Variants in IL1A observed in about 807,000 individuals in gnomAD.
IL1A encodes interleukin-1 alpha.
IL1A carries 16 observed loss-of-function variants against 22.2 expected under a neutral mutation model. The observed-to-expected ratio is 0.72, with a 90% CI of 0.49 to 1.09. The LOEUF is 1.09. Among genes scored for constraint, IL1A ranks in the 50% least tolerant of loss-of-function variants. The probability of loss-of-function intolerance (pLI) is 0.00; values close to 1 mark genes in which losing one functional copy is unlikely to be tolerated. For missense variants in IL1A, 317 were observed against 321.8 expected (o/e 0.99, Z 0.11); for synonymous variants, 113 against 118.5 (o/e 0.95, Z 0.30).
At chr2:112,781,499 T>C (rs920947041) in intron 4 of IL1A, 105 bp downstream of exon 4, 2 of 887,232 alleles carry the variant, frequency 2.3e-6, no homozygotes, top group African/African-American at 3.3e-5. Flanking sequence ...AATGCTTGGT[T>C]GTCTTCTTGT....
rs189583529 is a variant in IL1A, at chr2:112,783,915, C to T, written c.-8-137G>A. On this transcript the variant is annotated intron_variant, in intron 1 of 6. Transcript: ENST00000263339. ...CCACATTCAGCATTTTCTCCATCTT[C>T]TAGCTCCTTTGAATTAGTTTGCTAT... 1.4e-4 allele frequency: 103 copies of T among 760,088 alleles called. No individual in the cohort carries two copies. In the East Asian group the frequency reaches 2.5e-3, roughly 18 times the overall value. 47.1% of individuals were successfully genotyped at this position (760,088 alleles called of 1,614,324 possible). A position where few individuals can be genotyped will look rare whatever the true frequency, so the allele number is the denominator to read the frequency against.
intron 3 of IL1A, among the ~76,000 whole-genome samples, chr2:112,782,165 A>T (rs556218339): frequency 6.6e-6 from 1 of 152,342 alleles, no homozygotes; most frequent in East Asian, 1.9e-4. Flanking sequence ...CAATGCTCAA[A>T]ATATTTTAGA....
At chr2:112,783,866 G>A in intron 1 of IL1A, 88 bp from the exon 2 acceptor site, 3 of 1,182,826 alleles carry the variant, frequency 2.5e-6, no homozygotes, top group Non-Finnish European at 3.8e-6. Flanking sequence ...TGTGCTTCCT[G>A]AAAACTTTGT....
chr2:112,782,092 A>G (rs1179462225), intron 3 of IL1A, among the ~76,000 whole-genome samples: 10 of 152,204 alleles, frequency 6.6e-5, no homozygotes, highest in Non-Finnish European at 1.3e-4. Context: ...TAGGTTAACA[A>G]TGATTGTAGT....
Position 112,781,714 on chromosome 2 carries a change from C to G in IL1A, c.209G>C (p.Ser70Thr). Residue 70 changes from serine to threonine, a missense_variant, in exon 4 of 7, where the codon AGC (serine) becomes ACC (threonine). By Grantham distance (58) the Ser-to-Thr change is moderately conservative. Transcript: ENST00000263339. ...SKTSKLTFKESMVVVATNGKV... is the reference protein window; with the variant it reads ...SKTSKLTFKETMVVVATNGKV... ...CCCGTTGGTTGCTACTACCACCATG[C>G]TCTCCTTGAAGGTAAGCTTGGATGT... 6.2e-7 allele frequency: 1 copy of G among 1,614,162 alleles called. No homozygotes were observed. Among genetic ancestry groups the G allele is most frequent in the Non-Finnish European group, 8.5e-7 (1 of 1,179,984 alleles).
chr2:112,781,914 G>A (rs1378384730), intron 3 of IL1A, 88 bp from the exon 4 acceptor site: 3 of 867,464 alleles, frequency 3.5e-6, no homozygotes, highest in Non-Finnish European at 5.8e-6. Context: ...AACAGAGGTA[G>A]TGAGGAGGAT....
chr2:112,777,335 G>T (rs982396759), intron 6 of IL1A, among the ~76,000 whole-genome samples: 3 of 152,216 alleles, frequency 2.0e-5, no homozygotes, highest in Admixed American at 6.5e-5. Context: ...CTTGATCCAG[G>T]TAGAAAAGCA....
Position 112,778,131 on chromosome 2 carries a change from AAAAG to A in IL1A, c.491-24_491-21del. ...ATTTCACTGGTGAAGAGAAGAACCA[AAAAG>A]AAAGTAAATTCATTGTATTTGTATA... On this transcript the variant is annotated intron_variant, in intron 5 of 6. Coordinates refer to ENST00000263339, the MANE Select transcript of IL1A (RefSeq NM_000575.5). 6.2e-7 allele frequency: 1 copy of A among 1,607,148 alleles called. No homozygotes were observed. Among genetic ancestry groups the A allele is most frequent in the Non-Finnish European group, 8.5e-7 (1 of 1,174,950 alleles).
intron 3 of IL1A, 74 bp downstream of exon 3, chr2:112,782,642 T>C (rs1189592140): frequency 3.7e-6 from 4 of 1,081,640 alleles, no homozygotes; most frequent in Admixed American, 1.8e-5. Flanking sequence ...ATTCAAGTCA[T>C]TGCTGTTCTC....
At position 112,783,730 on chromosome 2, in the gene IL1A, C is replaced by G. The variant is rs150033245; in HGVS notation, c.41G>C (p.Cys14Ser). The stretch of plus-strand genomic sequence containing the variant: ...GATAAATCTTATTCCTTACCTGTAA[C>G]AGTTCTTCAGGTCTTCAAACATGTC... ...VPDMFEDLKNCYSENEEDSSS... is the reference protein window; with the variant it reads ...VPDMFEDLKNSYSENEEDSSS... The change falls in exon 2 of 7, where the codon TGT becomes TCT. Residue 14 changes from cysteine (C) to serine (S), a missense_variant. Transcript: ENST00000263339. 7.3e-5 allele frequency: 118 copies of G among 1,612,398 alleles called. No homozygotes were observed. The Middle Eastern group carries it at 8.2e-4, about 11-fold the overall frequency.
Position 112,779,581 on chromosome 2 carries a change from G to A in IL1A, c.405C>T (p.Ile135=). 9.9e-6 allele frequency: 16 copies of A among 1,612,516 alleles called. No individual in the cohort carries two copies. Among genetic ancestry groups the A allele is most frequent in the Non-Finnish European group, 1.4e-5 (16 of 1,178,700 alleles). ...TACTTTGATTGAGGGCGTCATTCAG[G>A]ATGAATTCGTATTTGATGATCCTCA... ...NFMRIIKYEF[I]LNDALNQSII... is the part of the protein sequence containing the mutation. The change falls in exon 5 of 7, where the codon ATC becomes ATT. Residue 135 remains isoleucine, a synonymous_variant. Coordinates refer to ENST00000263339, the MANE Select transcript of IL1A (RefSeq NM_000575.5).
At chr2:112,776,092 G>A (rs1409429354) in intron 6 of IL1A, among the ~76,000 whole-genome samples, 1 of 151,792 alleles carries the variant, frequency 6.6e-6, no homozygotes, top group Non-Finnish European at 1.5e-5. Flanking sequence ...ACCCAATTCT[G>A]TCTGTTTCTT....
chr2:112,775,175 T>C lies in IL1A; in HGVS notation c.708A>G (p.Ser236=). The C allele has an allele frequency of 1.2e-6, 2 of 1,614,178 alleles. No homozygotes were observed. The highest frequency in any genetic ancestry group is 1.7e-6 in the Non-Finnish European group (2 of 1,180,020). ...ETHGTKNYFT[S]VAHPNLFIAT... ...CAATAAACAAGTTTGGATGGGCAAC[T>C]GATGTGAAATAGTTCTTAGTGCCGT... The change falls in exon 7 of 7, where the codon TCA becomes TCG. Residue 236 remains serine (S), a synonymous_variant. Coordinates refer to ENST00000263339, the MANE Select transcript of IL1A (RefSeq NM_000575.5).
In IL1A at chr2:112,778,076, C is replaced by G. The variant is rs1801715; in HGVS notation, c.526G>C (p.Asp176His). 66 of 1,613,570 alleles carry G rather than the reference C, an allele frequency of 4.1e-5. No homozygotes were observed. In the Middle Eastern group the frequency reaches 1.2e-3, roughly 28 times the overall value. ...AGAATCACGGTAATTTTAGCATCAT[C>G]CTTTGATGACTTATAAGCACCCATG... ...FDMGAYKSSK[D>H]DAKITVILRI... The change falls in exon 6 of 7, where the codon GAT (aspartate) becomes CAT (histidine). Residue 176 changes from aspartate (D) to histidine (H), a missense_variant. Transcript: ENST00000263339.
At chr2:112,784,250 C>T (rs752759483) in intron 1 of IL1A, among the ~76,000 whole-genome samples, 193 bp downstream of exon 1, 1 of 152,234 alleles carries the variant, frequency 6.6e-6, no homozygotes, top group African/African-American at 2.4e-5. Context: ...TATAACGAAT[C>T]AGTCCTTATC....
In IL1A at chr2:112,776,268, T is replaced by G. The variant is rs145913839; in HGVS notation, c.616-1001A>C. Among the ~76,000 whole-genome samples the G allele has an allele frequency of 4.8e-3, 735 of 152,312 alleles. 7 individuals carry two copies. The Middle Eastern group carries it at 0.054, about 11-fold the overall frequency. ...CCCATTAATGGGTTTTCATTGTACC[T>G]CAAATGAAATCCAAATGCAAGCTCT... On this transcript the variant is annotated intron_variant, in intron 6 of 6. Transcript: ENST00000263339.
In IL1A at chr2:112,775,224, T is replaced by C; in HGVS notation, c.659A>G (p.Asn220Ser). The C allele has an allele frequency of 1.2e-6, 2 of 1,614,082 alleles. No homozygotes were observed. Among genetic ancestry groups the C allele is most frequent in the East Asian group, 2.2e-5 (1 of 44,886 alleles). ...IPKTITGSET[N>S]LLFFWETHGT... ...GTGAGTTTCCCAGAAGAAGAGGAGG[T>C]TGGTCTCACTACCTGTGATGGTTTT... The change falls in exon 7 of 7, where the codon AAC becomes AGC. Residue 220 changes from asparagine (N) to serine (S), a missense_variant. By Grantham distance (46) the Asn-to-Ser change is conservative. Coordinates refer to ENST00000263339, the MANE Select transcript of IL1A (RefSeq NM_000575.5).
intron 6 of IL1A, 138 bp downstream of exon 6, chr2:112,777,849 G>C (rs1486286356): frequency 2.6e-6 from 2 of 779,804 alleles, no homozygotes; most frequent in East Asian, 5.2e-5. Context: ...GAATCAATGG[G>C]AGTGGGGTGG....
chr2:112,777,253 G>C (rs3783546), intron 6 of IL1A, among the ~76,000 whole-genome samples: 105,330 of 152,060 alleles, frequency 0.69, 37,264 homozygotes, highest in Middle Eastern at 0.79. Flanking sequence ...CTGAAAAATA[G>C]AAGGCTCTCA....
Sources: allele counts gnomAD v4.1 joint callset (sites outside exome capture counted in the v4.1 genomes callset), GRCh38; gene constraint gnomAD v4.1.1; transcripts MANE v1.5; gene names NCBI Gene and HGNC (gene_info 2026-07-23, HGNC 2026-07-21).